RGS3: variants seen among roughly 807,000 people sequenced by gnomAD.
RGS3 encodes the protein regulator of G-protein signalling 3.
A neutral mutation model predicts 132.6 loss-of-function variants in RGS3; 80 were observed. The observed-to-expected ratio is 0.60, with a 90% CI of 0.50 to 0.73. The LOEUF (loss-of-function observed/expected upper bound fraction) is 0.73, where lower values mean the gene tolerates loss of function less well. Among genes scored for constraint, RGS3 ranks in the 30% least tolerant of loss-of-function variants. The pLI is 0.00. For missense variants in RGS3, 1,382 were observed against 1,530.8 expected (o/e 0.90, Z 1.62); for synonymous variants, 598 against 620.6 (o/e 0.96, Z 0.54).
chr9:113,528,526 C>T (rs1832320522), intron 17 of RGS3, among the ~76,000 whole-genome samples: 1 of 152,204 alleles, frequency 6.6e-6, no homozygotes, highest in South Asian at 2.1e-4. Flanking sequence ...GCTTCTGAAG[C>T]GCTCTGAGCA....
intron 8 of RGS3, 35 bp downstream of exon 6, chr9:113,495,881 C>T (rs764360713): frequency 1.6e-5 from 26 of 1,576,764 alleles, no homozygotes; most frequent in Admixed American, 8.3e-5. Flanking sequence ...AGGATCATCC[C>T]AACTGGGCCG....
intron 1 of RGS3, among the ~76,000 whole-genome samples, chr9:113,445,288 C>T (rs1292537726): frequency 2.0e-5 from 3 of 151,902 alleles, no homozygotes; most frequent in Non-Finnish European, 2.9e-5. Context: ...ACCTCCGCCT[C>T]CCGGGTTCAA....
At chr9:113,520,822 T>C (rs921159289) in intron 16 of RGS3, among the ~76,000 whole-genome samples, 3 of 152,088 alleles carry the variant, frequency 2.0e-5, no homozygotes, top group Non-Finnish European at 2.9e-5. Context: ...AACATTATTA[T>C]TATCATTATT....
chr9:113,501,871 T>C (rs1251469478), intron 10 of RGS3, among the ~76,000 whole-genome samples: 1 of 152,232 alleles, frequency 6.6e-6, no homozygotes, highest in Non-Finnish European at 1.5e-5. Context: ...ATAATCCAGC[T>C]AGCTTTCTGT....
intron 20 of RGS3, among the ~76,000 whole-genome samples, chr9:113,585,734 A>G (rs145560868): frequency 1.3e-5 from 2 of 152,354 alleles, no homozygotes; most frequent in African/African-American, 4.8e-5. Flanking sequence ...AACCCATGGC[A>G]GACATCATTA....
chr9:113,447,074 A>G (rs1288740702), intron 1 of RGS3, among the ~76,000 whole-genome samples: 1 of 151,704 alleles, frequency 6.6e-6, no homozygotes, highest in Non-Finnish European at 1.5e-5. Context: ...ATCCTGGCTA[A>G]CACAGTGAAA....
rs1316614721 is a variant in RGS3, at chr9:113,463,925, C to T, written c.415+1724C>T. On this transcript the variant is annotated intron_variant, in intron 3 of 24. Coordinates refer to ENST00000350696, the Ensembl canonical transcript of RGS3. The surrounding 1 kb of genome is among the most constrained non-coding windows in gnomAD (Gnocchi z 4.6). ...TGGCGGCAGGGGCTGCTTCACCCTG[C>T]TCCCAGCGCCCAGAAACGCAGCCCC... The T allele has an allele frequency of 1.2e-6, 2 of 1,602,116 alleles. No individual in the cohort carries two copies. The highest frequency in any genetic ancestry group is 1.7e-6 in the Non-Finnish European group (2 of 1,172,364).
chr9:113,524,650 AGC>A (rs1463827012), intron 17 of RGS3, among the ~76,000 whole-genome samples: 1 of 152,202 alleles, frequency 6.6e-6, no homozygotes, highest in Non-Finnish European at 1.5e-5. Flanking sequence ...GTGTGGCTTC[AGC>A]TGGCCCTTTC....
intron 8 of RGS3, among the ~76,000 whole-genome samples, chr9:113,496,476 G>A (rs1364011049): frequency 6.6e-6 from 1 of 152,140 alleles, no homozygotes; most frequent in Non-Finnish European, 1.5e-5. Context: ...CTGCCACGCA[G>A]ATTTTTGTCC....
intron 19 of RGS3, among the ~76,000 whole-genome samples, chr9:113,540,774 A>G (rs1261050713): frequency 1.3e-5 from 2 of 152,244 alleles, no homozygotes; most frequent in Non-Finnish European, 2.9e-5. Flanking sequence ...GACATGACAG[A>G]TAGTTCAAAG....
In RGS3 at chr9:113,463,711, G is replaced by A. The variant is rs1829531723; in HGVS notation, c.415+1510G>A. ...CTTGGGGCAGCCCTACCTCCCGCTC[G>A]CGCTCCTCCCGCCCTGGAGACTCCG... On this transcript the variant is annotated intron_variant, in intron 3 of 24. Coordinates refer to ENST00000350696, the Ensembl canonical transcript of RGS3. This position sits in a 1 kb window ranked among gnomAD's most constrained non-coding sequence, Gnocchi z 4.6. 1 of 1,450,512 alleles carries A rather than the reference G, an allele frequency of 6.9e-7. No homozygotes were observed. Among genetic ancestry groups the A allele is most frequent in the Non-Finnish European group, 9.1e-7 (1 of 1,102,068 alleles). 89.9% of individuals were successfully genotyped at this position (1,450,512 alleles called of 1,614,324 possible).
At chr9:113,476,755 G>A (rs780843579) in intron 3 of RGS3, among the ~76,000 whole-genome samples, 1 of 152,218 alleles carries the variant, frequency 6.6e-6, no homozygotes, top group East Asian at 1.9e-4. Flanking sequence ...GCCCAGCCTC[G>A]TGCAGATGCC....
At chr9:113,571,758 T>C (rs1442627204) in intron 19 of RGS3, among the ~76,000 whole-genome samples, 1 of 152,112 alleles carries the variant, frequency 6.6e-6, no homozygotes, top group African/African-American at 2.4e-5. Context: ...TTATGGAGAG[T>C]GTTTGTTGAG....
At chr9:113,451,877 G>A (rs74463005) in intron 1 of RGS3, among the ~76,000 whole-genome samples, 3,076 of 151,878 alleles carry the variant, frequency 0.02, 87 homozygotes, top group East Asian at 0.12. Context: ...TTCTTGTAGC[G>A]CATGTTTGCA....
Position 113,507,548 on chromosome 9 carries a change from G to A in RGS3, c.1347G>A (p.Gly449=), listed in dbSNP as rs574615653. Reference sequence around the variant, plus strand: ...GCTACACCGAGGTGGCCAAGCGCGGGGGCCAGCACACCCTGCCTGCACTGT... The same window carrying A: ...GCTACACCGAGGTGGCCAAGCGCGGAGGCCAGCACACCCTGCCTGCACTGT... Residue 449 remains glycine (G), a synonymous_variant, in exon 13 of 25, where the codon GGG becomes GGA. Transcript: ENST00000350696. The surrounding 1 kb of genome is among the most constrained non-coding windows in gnomAD (Gnocchi z 5.0). 40 of 1,591,890 alleles carry A rather than the reference G, an allele frequency of 2.5e-5. No individual in the cohort carries two copies. The South Asian group carries it at 4.3e-4, about 17-fold the overall frequency.
chr9:113,497,892 C>T, intron 9 of RGS3, 133 bp from the exon 8 acceptor site: 1 of 804,648 alleles, frequency 1.2e-6, no homozygotes, highest in Non-Finnish European at 2.1e-6. Flanking sequence ...TCAGGTGTCC[C>T]CACATCCTGA....
At chr9:113,580,762 A>G (rs1834757026) in intron 19 of RGS3, 2 of 980,678 alleles carry the variant, frequency 2.0e-6, no homozygotes, top group Non-Finnish European at 2.4e-6. Flanking sequence ...GATTTAGAAC[A>G]GGGTTGGCAG....
At chr9:113,540,743 C>A (rs893108716) in intron 19 of RGS3, among the ~76,000 whole-genome samples, 1 of 152,232 alleles carries the variant, frequency 6.6e-6, no homozygotes, top group Non-Finnish European at 1.5e-5. Context: ...CTCGGGAGAT[C>A]ACAGTCTGGT....
chr9:113,534,914 C>T (rs756345959), intron 18 of RGS3, among the ~76,000 whole-genome samples: 7 of 151,934 alleles, frequency 4.6e-5, no homozygotes, highest in Non-Finnish European at 7.4e-5. Flanking sequence ...CTGTGACCAG[C>T]CTAAAATATT....
Sources: allele counts gnomAD v4.1 joint callset (sites outside exome capture counted in the v4.1 genomes callset), GRCh38; gene constraint gnomAD v4.1.1; non-coding constraint Gnocchi (gnomAD v3.1); transcripts MANE v1.5; gene names NCBI Gene and HGNC (gene_info 2026-07-23, HGNC 2026-07-21).